MALRD1: variants seen among roughly 807,000 people sequenced by gnomAD.
MALRD1 encodes the protein MAM and LDL-receptor class A domain-containing protein 1.
Under a neutral mutation model 242.1 loss-of-function variants are expected in MALRD1, and 247 were observed. That is an observed-to-expected ratio of 1.02 (90% confidence interval 0.92 to 1.13). The LOEUF (loss-of-function observed/expected upper bound fraction) is 1.13. Ranked by LOEUF, MALRD1 falls within the 50% of genes most tolerant of loss-of-function variation. The pLI, the probability that MALRD1 is intolerant of heterozygous loss-of-function variation, is 0.00. For synonymous variants in MALRD1, 995 were observed against 866.6 expected (o/e 1.15, Z -2.60); for missense variants, 2,989 against 2,533.1 (o/e 1.18, Z -3.86).
chr10:19,227,076 C>G (rs1837831472), intron 18 of MALRD1, among the ~76,000 whole-genome samples: 1 of 151,680 alleles, frequency 6.6e-6, no homozygotes, highest in Admixed American at 6.6e-5. Flanking sequence ...GATAATTCCC[C>G]TGAAACTGAT....
At chr10:19,305,533 A>G (rs1842125746) in intron 21 of MALRD1, among the ~76,000 whole-genome samples, 1 of 151,108 alleles carries the variant, frequency 6.6e-6, no homozygotes, top group Non-Finnish European at 1.5e-5. Flanking sequence ...TTTTGAACCA[A>G]TTTGTTGTTG....
chr10:19,722,640 C>CTACAGTGATTAT (rs1834824527), intron 38 of MALRD1: 1 of 102,054 alleles, frequency 9.8e-6, no homozygotes, highest in Non-Finnish European at 2.0e-5. Context: ...ATTTAAAATA[C>CTACAGTGATTAT]TACAGTGATT....
chr10:19,256,785 G>A (rs371363187), intron 18 of MALRD1, among the ~76,000 whole-genome samples: 1 of 152,030 alleles, frequency 6.6e-6, no homozygotes, highest in African/African-American at 2.4e-5. Flanking sequence ...ATGAAGGCTA[G>A]AGCTTGAAAA....
intron 14 of MALRD1, among the ~76,000 whole-genome samples, chr10:19,181,037 G>A (rs1220573662): frequency 6.7e-6 from 1 of 149,002 alleles, no homozygotes; most frequent in African/African-American, 2.4e-5. Context: ...ATATCAATTA[G>A]GATAGCTATA....
At chr10:19,177,428 G>A (rs1008898647) in intron 14 of MALRD1, among the ~76,000 whole-genome samples, 1 of 152,038 alleles carries the variant, frequency 6.6e-6, no homozygotes, top group South Asian at 2.1e-4. Flanking sequence ...ACATTGAAGA[G>A]CACTGTCTTG....
At chr10:19,390,148 A>G (rs952052397) in intron 28 of MALRD1, among the ~76,000 whole-genome samples, 2 of 152,226 alleles carry the variant, frequency 1.3e-5, no homozygotes, top group South Asian at 2.1e-4. Flanking sequence ...CTCATTATAT[A>G]ATAGTAATTA....
chr10:19,530,378 A>AGT (rs1564417103), intron 31 of MALRD1, among the ~76,000 whole-genome samples: 1 of 101,048 alleles, frequency 9.9e-6, no homozygotes, highest in Non-Finnish European at 1.9e-5. Context: ...TATTTATATA[A>AGT]ATATTATATA....
chr10:19,423,559 A>G (rs535625934), intron 28 of MALRD1, among the ~76,000 whole-genome samples: 5 of 152,176 alleles, frequency 3.3e-5, no homozygotes, highest in South Asian at 2.1e-4. Context: ...TCTGCAAGCT[A>G]TGTAGTACAG....
intron 38 of MALRD1, among the ~76,000 whole-genome samples, chr10:19,705,183 A>C (rs1833808116): frequency 6.6e-6 from 1 of 152,206 alleles, no homozygotes; most frequent in Non-Finnish European, 1.5e-5. Context: ...TGAAGGCAGA[A>C]GTTTAGCTGC....
chr10:19,132,169 A>G (rs1245310695), intron 8 of MALRD1, among the ~76,000 whole-genome samples: 4 of 152,360 alleles, frequency 2.6e-5, no homozygotes, highest in South Asian at 4.1e-4. Context: ...TAAGAGCACA[A>G]TAGCTCTAAA....
intron 19 of MALRD1, among the ~76,000 whole-genome samples, chr10:19,272,905 C>A (rs1188129046): frequency 6.6e-6 from 1 of 152,098 alleles, no homozygotes; most frequent in Non-Finnish European, 1.5e-5. Flanking sequence ...TGTATATGTG[C>A]CACATTTTCT....
At chr10:19,117,372 G>A (rs950500007) in intron 5 of MALRD1, among the ~76,000 whole-genome samples, 1 of 151,864 alleles carries the variant, frequency 6.6e-6, no homozygotes, top group African/African-American at 2.4e-5. Context: ...TAATACATTT[G>A]ACAAGAGCTA....
intron 21 of MALRD1, among the ~76,000 whole-genome samples, chr10:19,299,584 GA>G (rs1841853466): frequency 8.7e-6 from 1 of 115,432 alleles, no homozygotes; most frequent in Non-Finnish European, 2.0e-5. Flanking sequence ...CAATAAATGT[GA>G]TGTGATTCAG....
Position 19,048,923 on chromosome 10 carries a change from T to C in MALRD1, c.-16T>C, listed in dbSNP as rs1834406952. On this transcript the variant is annotated 5_prime_UTR_variant, in exon 1 of 40. Transcript: ENST00000454679. The stretch of plus-strand genomic sequence containing the variant: ...CTTATTACAACTGCTTGATCTCTAA[T>C]AGACAATACCAAGTAATGCTCTTCT... 6.5e-6 allele frequency: 8 copies of C among 1,232,694 alleles called. No individual in the cohort carries two copies. The highest frequency in any genetic ancestry group is 8.1e-6 in the Non-Finnish European group (8 of 986,982). The allele number at this position is 1,232,694 out of a possible 1,614,324, so 76.4% of individuals were successfully genotyped here. A position where few individuals can be genotyped will look rare whatever the true frequency, so the allele number is the denominator to read the frequency against.
intron 31 of MALRD1, 122 bp from the exon 32 acceptor site, chr10:19,531,072 T>C (rs1000045936): frequency 1.3e-6 from 1 of 761,330 alleles, no homozygotes; most frequent in African/African-American, 1.8e-5. Flanking sequence ...AAAATCAAAA[T>C]GAGTTCTGTT....
chr10:19,327,883 C>T (rs912230812), intron 23 of MALRD1, among the ~76,000 whole-genome samples: 8 of 152,100 alleles, frequency 5.3e-5, no homozygotes, highest in African/African-American at 1.9e-4. Flanking sequence ...AGTAGATATT[C>T]GTACCTCTAG....
In MALRD1 at chr10:19,186,784, T is replaced by C. The variant is rs73593849; in HGVS notation, c.1951+11456T>C. Among the ~76,000 whole-genome samples the C allele has an allele frequency of 3.4e-3, 513 of 152,312 alleles. 4 individuals carry two copies. Among genetic ancestry groups the C allele is most frequent in the African/African-American group, 0.012 (494 of 41,568 alleles). The stretch of plus-strand genomic sequence containing the variant: ...AGTATTACTGGCTTTCCTTTTCTTT[T>C]TGTTGCTTATCTGCTGAAACTATTC... On this transcript the variant is annotated intron_variant, in intron 14 of 39. Transcript: ENST00000454679.
chr10:19,389,293 G>C, intron 27 of MALRD1, 159 bp from the exon 28 acceptor site: 1 of 807,002 alleles, frequency 1.2e-6, no homozygotes, highest in South Asian at 1.5e-5. Context: ...CAGCAAGCTA[G>C]AGGCGAGGCT....
intron 33 of MALRD1, among the ~76,000 whole-genome samples, chr10:19,580,224 A>G (rs1469112996): frequency 1.3e-5 from 2 of 152,202 alleles, no homozygotes; most frequent in Non-Finnish European, 2.9e-5. Context: ...CAGCAAATTC[A>G]TCATGTATGC....
Sources: gnomAD v4.1 joint callset for allele counts (sites outside exome capture counted in the v4.1 genomes callset) on GRCh38, gnomAD v4.1.1 for gene constraint, MANE v1.5 for transcripts, NCBI Gene and HGNC (gene_info 2026-07-23, HGNC 2026-07-21) for gene names.